Variants in FCHSD2 observed in about 807,000 individuals in gnomAD.
FCHSD2 encodes the protein FCH and double SH3 domains 2, also known as F-BAR and double SH3 domains protein 2.
FCHSD2 carries 38 observed loss-of-function variants against 108.1 expected under a neutral mutation model. That is an observed-to-expected ratio of 0.35 (90% CI 0.27 to 0.46). The LOEUF is 0.46. FCHSD2 is among the 20% of genes least tolerant of loss of function. The probability of loss-of-function intolerance (pLI) is 1.00; values close to 1 mark genes in which losing one functional copy is unlikely to be tolerated. For missense variants in FCHSD2, 751 were observed against 897.8 expected (o/e 0.84, Z 2.09); for synonymous variants, 279 against 314.7 (o/e 0.89, Z 1.20).
chr11:73,033,499 A>G lies in FCHSD2; in HGVS notation c.166-17614T>C, dbSNP rs192368532. Among the ~76,000 whole-genome samples the G allele has an allele frequency of 1.2e-3, 190 of 152,268 alleles. 2 individuals are homozygous for G. The highest frequency in any genetic ancestry group is 4.5e-3 in the African/African-American group (186 of 41,554). On this transcript the variant is annotated intron_variant, in intron 3 of 19. Transcript: ENST00000409418. ...TTATAAACATACTCTGACCCCTCAC[A>G]TTTTAGATCTACTAGATGTAGCACA...
At position 73,011,934 on chromosome 11, in the gene FCHSD2, G is replaced by C. The variant is rs191573725; in HGVS notation, c.242+3875C>G. ...TGGTTCTTCTTAGTGGAGGAGGTACGAAGTGCCCCTAGTCAGCCACCTTGA... is the reference window on the plus strand; with the variant it reads ...TGGTTCTTCTTAGTGGAGGAGGTACCAAGTGCCCCTAGTCAGCCACCTTGA... On this transcript the variant is annotated intron_variant, in intron 4 of 19. Coordinates refer to ENST00000409418, the MANE Select transcript of FCHSD2 (RefSeq NM_014824.3). 1.3e-3 allele frequency among the ~76,000 whole-genome samples: 204 copies of C among 152,164 alleles called. 2 individuals are homozygous for C. Among genetic ancestry groups the C allele is most frequent in the Admixed American group, 0.012 (179 of 15,290 alleles).
chr11:73,009,946 C>T (rs76070544), intron 4 of FCHSD2, among the ~76,000 whole-genome samples: 2,603 of 152,244 alleles, frequency 0.017, 39 homozygotes, highest in African/African-American at 0.042. Flanking sequence ...GTCTAAATCT[C>T]GTTAGACTTG....
intron 2 of FCHSD2, among the ~76,000 whole-genome samples, chr11:73,126,520 A>G (rs1370200771): frequency 6.6e-6 from 1 of 152,086 alleles, no homozygotes; most frequent in Non-Finnish European, 1.5e-5. Flanking sequence ...AATAAATTTT[A>G]AAGTCTATTA....
At chr11:72,874,607 G>C (rs995258262) in intron 12 of FCHSD2, among the ~76,000 whole-genome samples, 1 of 152,212 alleles carries the variant, frequency 6.6e-6, no homozygotes, top group East Asian at 1.9e-4. Context: ...AAGCAGAAAA[G>C]AGAGAAGTAT....
chr11:73,001,897 A>T (rs1299820210), intron 4 of FCHSD2, among the ~76,000 whole-genome samples: 1 of 152,196 alleles, frequency 6.6e-6, no homozygotes, highest in Non-Finnish European at 1.5e-5. Context: ...TTTTCTAGCC[A>T]ACTTCCTCTT....
intron 2 of FCHSD2, among the ~76,000 whole-genome samples, chr11:73,132,092 C>A (rs748902180): frequency 6.4e-4 from 98 of 152,170 alleles, no homozygotes; most frequent in Non-Finnish European, 1.2e-3. Context: ...ATACCCATCC[C>A]GCAAGTTCTA....
In FCHSD2 at chr11:72,867,942, T is replaced by C; in HGVS notation, c.1231A>G (p.Asn411Asp). 4 of 1,605,714 alleles carry C rather than the reference T, an allele frequency of 2.5e-6. No homozygotes were observed. The highest frequency in any genetic ancestry group is 3.4e-6 in the Non-Finnish European group (4 of 1,176,262). ...TTTTCCAGTTCTTCCATTACTTGGT[T>C]CATGGCACTCTTTAGCCATGTGTCC... ...SVDTWLKSAMNQVMEELENER... is the reference protein window; with the variant it reads ...SVDTWLKSAMDQVMEELENER... The change falls in exon 13 of 20, where the codon AAC becomes GAC. Residue 411 changes from asparagine to aspartate, a missense_variant. By Grantham distance (23) the Asn-to-Asp change is conservative. Coordinates refer to ENST00000409418, the MANE Select transcript of FCHSD2 (RefSeq NM_014824.3).
intron 3 of FCHSD2, among the ~76,000 whole-genome samples, chr11:73,030,138 T>C (rs1047130060): frequency 1.3e-5 from 2 of 152,188 alleles, no homozygotes; most frequent in Non-Finnish European, 2.9e-5. Flanking sequence ...AACTGCTACA[T>C]GATAGCAGTA....
At chr11:72,934,949 T>C (rs966387961) in intron 8 of FCHSD2, among the ~76,000 whole-genome samples, 5 of 152,200 alleles carry the variant, frequency 3.3e-5, no homozygotes, top group Admixed American at 2.6e-4. Flanking sequence ...TGAATGCCTT[T>C]AAGCAGCCAC....
At chr11:72,901,445 A>C (rs983250338) in intron 10 of FCHSD2, among the ~76,000 whole-genome samples, 2 of 152,012 alleles carry the variant, frequency 1.3e-5, no homozygotes, top group African/African-American at 2.4e-5. Context: ...ATAAAAACAA[A>C]AATTGCCAGT....
intron 8 of FCHSD2, among the ~76,000 whole-genome samples, chr11:72,943,768 C>T (rs540126967): frequency 6.6e-6 from 1 of 152,236 alleles, no homozygotes; most frequent in African/African-American, 2.4e-5. Context: ...GATACATAAA[C>T]ATTGTATTTT....
chr11:73,072,322 A>C (rs1191263988), intron 3 of FCHSD2, among the ~76,000 whole-genome samples: 1 of 152,056 alleles, frequency 6.6e-6, no homozygotes, highest in Admixed American at 6.6e-5. Context: ...TGAAAAAGTG[A>C]AACTTACTAG....
At chr11:72,982,542 G>C (rs1857233215) in intron 8 of FCHSD2, among the ~76,000 whole-genome samples, 1 of 152,230 alleles carries the variant, frequency 6.6e-6, no homozygotes, top group Admixed American at 6.5e-5. Flanking sequence ...GAGCTTGCCT[G>C]TCAGCAACAA....
chr11:73,063,686 A>G (rs1407339441), intron 3 of FCHSD2, among the ~76,000 whole-genome samples: 21 of 152,216 alleles, frequency 1.4e-4, no homozygotes, highest in Admixed American at 1.4e-3. Flanking sequence ...ATTGAAAGAG[A>G]CAAAGAACGG....
At chr11:73,116,326 C>T (rs540719439) in intron 2 of FCHSD2, among the ~76,000 whole-genome samples, 5 of 152,194 alleles carry the variant, frequency 3.3e-5, no homozygotes, top group African/African-American at 7.2e-5. Context: ...ACTTATGCTC[C>T]TAAGGCAGAC....
At chr11:72,989,782 A>G (rs1435525730) in intron 5 of FCHSD2, among the ~76,000 whole-genome samples, 1 of 152,220 alleles carries the variant, frequency 6.6e-6, no homozygotes, top group Non-Finnish European at 1.5e-5. Flanking sequence ...TCCAAAGGAG[A>G]TTGACCCCAC....
At chr11:72,863,167 G>C (rs1350479324) in intron 13 of FCHSD2, among the ~76,000 whole-genome samples, 1 of 151,844 alleles carries the variant, frequency 6.6e-6, no homozygotes, top group Non-Finnish European at 1.5e-5. Flanking sequence ...CTGGCCAGAA[G>C]TGATCCTCCC....
chr11:73,137,498 C>T lies in FCHSD2; in HGVS notation c.119+2533G>A, dbSNP rs533416955. 5.3e-5 allele frequency among the ~76,000 whole-genome samples: 8 copies of T among 152,154 alleles called. No homozygotes were observed. The East Asian group carries it at 1.4e-3, about 26-fold the overall frequency. ...CCTACAGAGTGTATACAGTATCTCA[C>T]CCAAGAAAAAATAAGATACATTTAA... On this transcript the variant is annotated intron_variant, in intron 2 of 19. Coordinates refer to ENST00000409418, the MANE Select transcript of FCHSD2 (RefSeq NM_014824.3).
rs550718318 is a variant in FCHSD2, at chr11:73,136,260, G to A, written c.119+3771C>T. Among the ~76,000 whole-genome samples, 107 of 152,116 alleles carry A rather than the reference G, an allele frequency of 7.0e-4. 1 individual carries two copies. Among genetic ancestry groups the A allele is most frequent in the South Asian group, 5.0e-3 (24 of 4,820 alleles). The stretch of plus-strand genomic sequence containing the variant: ...TCTATTTACAGTCTAATGTGCTGTA[G>A]ATTTTTTTTTAACTTTTTTCAATGA... On this transcript the variant is annotated intron_variant, in intron 2 of 19. Transcript: ENST00000409418.
Sources: gnomAD v4.1 joint callset for allele counts (sites outside exome capture counted in the v4.1 genomes callset) on GRCh38, gnomAD v4.1.1 for gene constraint, MANE v1.5 for transcripts, NCBI Gene and HGNC (gene_info 2026-07-23, HGNC 2026-07-21) for gene names.